Variants in LRRC71 observed in about 807,000 individuals in gnomAD.
LRRC71 encodes the protein leucine-rich repeat-containing protein 71.
LRRC71 carries 54 observed loss-of-function variants against 66.6 expected under a neutral mutation model. That is an observed-to-expected ratio of 0.81 (90% CI 0.65 to 1.02). LRRC71 has a LOEUF of 1.02. Among genes scored for constraint, LRRC71 ranks in the 50% least tolerant of loss-of-function variants. LRRC71 has a pLI of 0.00. For missense variants in LRRC71, 724 were observed against 718.0 expected, an observed-to-expected ratio of 1.01 and a Z score of -0.10; for synonymous variants, 323 against 303.9, an observed-to-expected ratio of 1.06 and a Z score of -0.65.
At chr1:156,934,575 ATATG>A (rs1439350476), downstream of LRRC71, among the ~76,000 whole-genome samples, 1 of 152,154 alleles carries the variant, frequency 6.6e-6, no homozygotes, top group East Asian at 1.9e-4. Context: ...GTGTGTATAT[ATATG>A]TATCTATATA....
At chr1:156,939,481 G>A in the LRRC71 span, 1 of 1,596,682 alleles carries the variant, frequency 6.3e-7, no homozygotes, top group Non-Finnish European at 8.5e-7. Flanking sequence ...GGAAGCAGCT[G>A]TTCGGAAGAC....
the LRRC71 span, chr1:156,940,063 G>T: frequency 7.1e-7 from 1 of 1,412,836 alleles, no homozygotes; most frequent in Non-Finnish European, 9.5e-7. Context: ...GTTGGGTGGG[G>T]AATGACATCT....
intron 12 of LRRC71, 28 bp from the exon 13 acceptor site, chr1:156,931,887 CT>C: frequency 6.6e-7 from 1 of 1,523,406 alleles, no homozygotes; most frequent in Non-Finnish European, 8.9e-7. Context: ...CCCCTGCTGT[CT>C]GCTGCAATTA....
chr1:156,939,674 AACAGAG>A, the LRRC71 span: 2 of 1,614,002 alleles, frequency 1.2e-6, no homozygotes, highest in Non-Finnish European at 1.7e-6. Flanking sequence ...TGTTCCAGAG[AACAGAG>A]ACCCATGTCT....
In LRRC71 at chr1:156,927,800, C is replaced by G. The variant is rs781069230; in HGVS notation, c.890C>G (p.Ala297Gly). 1 of 1,613,350 alleles carries G rather than the reference C, an allele frequency of 6.2e-7. No individual in the cohort carries two copies. The highest frequency in any genetic ancestry group is 1.7e-5 in the Admixed American group (1 of 60,018). ...LAHNRIQDKG[A>G]LKLAEVLRAF... Reference sequence around the variant, plus strand: ...CACAACCGCATCCAGGACAAGGGCGCCCTGAAGCTGGCTGAGGTGGGTGTG... The same window carrying G: ...CACAACCGCATCCAGGACAAGGGCGGCCTGAAGCTGGCTGAGGTGGGTGTG... The change falls in exon 8 of 15, where the codon GCC becomes GGC. Residue 297 changes from alanine (A) to glycine (G), a missense_variant. Coordinates refer to ENST00000337428, the MANE Select transcript of LRRC71 (RefSeq NM_144702.3).
chr1:156,932,780 C>A, intron 14 of LRRC71, 73 bp from the exon 15 acceptor site: 1 of 1,433,712 alleles, frequency 7.0e-7, no homozygotes, highest in South Asian at 1.3e-5. Context: ...TGCCCCAGGA[C>A]CATTTTTTTT....
chr1:156,939,933 T>G, the LRRC71 span: 1 of 1,597,402 alleles, frequency 6.3e-7, no homozygotes, highest in Non-Finnish European at 8.5e-7. Flanking sequence ...CAGGGTGATG[T>G]CTTCCCAGCA....
Position 156,925,009 on chromosome 1 carries a change from C to A in LRRC71, c.587C>A (p.Thr196Lys). ...FIELLPLCSS[T>K]LRKVSLEGNP... ...GAGCTCCTGCCTCTCTGTTCATCCA[C>A]GCTCAGGTCAGCAGACTGGGAGGCC... The change falls in exon 5 of 15, where the codon ACG becomes AAG. Residue 196 changes from threonine (T) to lysine (K), a missense_variant. Coordinates refer to ENST00000337428, the MANE Select transcript of LRRC71 (RefSeq NM_144702.3). 5 of 1,551,738 alleles carry A rather than the reference C, an allele frequency of 3.2e-6. 1 individual carries two copies. The highest frequency in any genetic ancestry group is 4.4e-6 in the Non-Finnish European group (5 of 1,147,002).
At chr1:156,925,543 A>G (rs775932576) in intron 5 of LRRC71, among the ~76,000 whole-genome samples, 1 of 152,144 alleles carries the variant, frequency 6.6e-6, no homozygotes, top group Non-Finnish European at 1.5e-5. Flanking sequence ...TGCCTGGAGG[A>G]GGTGGTACTG....
downstream of LRRC71, chr1:156,934,754 C>A (rs1654769152): frequency 6.6e-6 from 1 of 151,582 alleles, no homozygotes; most frequent in Non-Finnish European, 1.5e-5. Flanking sequence ...CCCTCTGGTT[C>A]CCACTATCCA....
At chr1:156,939,574 G>A in the LRRC71 span, 2 of 1,612,598 alleles carry the variant, frequency 1.2e-6, no homozygotes, top group Non-Finnish European at 1.7e-6. Context: ...GTAACCTCCT[G>A]CTGCCTCTGT....
At chr1:156,923,890 G>A (rs1273822660) in intron 1 of LRRC71, 59 bp from the exon 2 acceptor site, 1 of 1,416,346 alleles carries the variant, frequency 7.1e-7, no homozygotes, top group Non-Finnish European at 9.2e-7. Context: ...GCGCGGGAGA[G>A]CTTGGGGATG....
At chr1:156,928,538 C>A (rs1653765106) in intron 9 of LRRC71, among the ~76,000 whole-genome samples, 1 of 133,736 alleles carries the variant, frequency 7.5e-6, no homozygotes, top group Admixed American at 7.6e-5. Flanking sequence ...TCTTCTTCTT[C>A]TTCCTTTCTT....
At chr1:156,925,585 G>A (rs1241596327) in intron 5 of LRRC71, among the ~76,000 whole-genome samples, 1 of 152,224 alleles carries the variant, frequency 6.6e-6, no homozygotes, top group African/African-American at 2.4e-5. Context: ...AGGCCAGAGA[G>A]GGAATTGGGA....
At chr1:156,936,323 C>A, downstream of LRRC71, 1 of 629,918 alleles carries the variant, frequency 1.6e-6, no homozygotes, top group South Asian at 1.5e-5. Flanking sequence ...CAGTGTGGTT[C>A]TGAATCATTT....
intron 10 of LRRC71, 26 bp from the exon 11 acceptor site, chr1:156,929,610 C>G: frequency 6.4e-7 from 1 of 1,565,218 alleles, no homozygotes; most frequent in Non-Finnish European, 8.7e-7. Flanking sequence ...GTGGGACTTG[C>G]CCCTCTCTTC....
downstream of LRRC71, chr1:156,936,974 T>C (rs774352167): frequency 1.9e-6 from 3 of 1,614,108 alleles, no homozygotes; most frequent in Middle Eastern, 1.6e-4. Flanking sequence ...CCCAAGGGAC[T>C]TGAGCAGCTC....
chr1:156,935,361 G>A (rs1412085558), downstream of LRRC71: 1 of 152,198 alleles, frequency 6.6e-6, no homozygotes, highest in Non-Finnish European at 1.5e-5. Flanking sequence ...GGAACACTCA[G>A]GCCTGGCTCC....
intron 1 of LRRC71, among the ~76,000 whole-genome samples, chr1:156,921,175 A>G (rs1302203690): frequency 6.6e-6 from 1 of 152,230 alleles, no homozygotes; most frequent in African/African-American, 2.4e-5. Flanking sequence ...AGATGTGATA[A>G]GATATAGAAG....
Sources: allele counts gnomAD v4.1 joint callset (sites outside exome capture counted in the v4.1 genomes callset), GRCh38; gene constraint gnomAD v4.1.1; transcripts MANE v1.5; gene names NCBI Gene and HGNC (gene_info 2026-07-23, HGNC 2026-07-21).